The following MID2 variants were observed in gnomAD, a reference collection of about 807,000 sequenced individuals.
MID2 encodes probable E3 ubiquitin-protein ligase MID2.
A neutral mutation model predicts 46.1 loss-of-function variants in MID2; 13 were observed. That is an observed-to-expected ratio of 0.28 (90% CI 0.18 to 0.45). The LOEUF is 0.45. MID2 is among the 20% of genes least tolerant of loss of function. The pLI, the probability that MID2 is intolerant of heterozygous loss-of-function variation, is 1.00. For synonymous variants in MID2, 199 were observed against 212.3 expected (o/e 0.94, Z 0.55); for missense variants, 431 against 575.4 (o/e 0.75, Z 2.57).
chrX:107,834,054 A>G (rs1931149751), intron 1 of MID2, among the ~76,000 whole-genome samples: 1 of 111,539 alleles, frequency 9.0e-6, no homozygotes, highest in Admixed American at 9.5e-5. Context: ...TCTGCCTCCC[A>G]AAGTGCTGGG....
At chrX:107,826,878 C>A (rs963138348) in intron 1 of MID2, among the ~76,000 whole-genome samples, 1 of 113,512 alleles carries the variant, frequency 8.8e-6, no homozygotes, top group African/African-American at 3.2e-5. Context: ...GCGGTGCTGT[C>A]GCAGCAGCCG....
At chrX:107,904,664 C>T (rs1206168674) in intron 4 of MID2, among the ~76,000 whole-genome samples, 3 of 111,353 alleles carry the variant, frequency 2.7e-5, no homozygotes, top group East Asian at 5.6e-4. Context: ...AGAAAGGAAA[C>T]GATAGGAAAC....
chrX:107,861,347 C>T (rs1447459241), intron 3 of MID2, among the ~76,000 whole-genome samples: 1 of 111,401 alleles, frequency 9.0e-6, no homozygotes, highest in Non-Finnish European at 1.9e-5. Context: ...GGGCTGGGCG[C>T]GGTGACTCAT....
intron 2 of MID2, 101 bp from the exon 3 acceptor site, chrX:107,854,505 TCTA>T: frequency 1.8e-6 from 1 of 558,385 alleles, no homozygotes; most frequent in South Asian, 2.7e-5. Context: ...GAAACATTTG[TCTA>T]CTGACTAACC....
Position 107,852,097 on chromosome X carries a change from G to A in MID2, c.721-2512G>A, listed in dbSNP as rs776132910. Among the ~76,000 whole-genome samples, 13 of 111,110 alleles carry A rather than the reference G, an allele frequency of 1.2e-4. No homozygotes were observed. In the East Asian group the frequency reaches 3.7e-3, roughly 32 times the overall value. On this transcript the variant is annotated intron_variant, in intron 2 of 9. Coordinates refer to ENST00000262843, the MANE Select transcript of MID2 (RefSeq NM_012216.4). The stretch of plus-strand genomic sequence containing the variant: ...AGTAGAGAAGAGGTTTCACCATGTT[G>A]GCCAGGCTGGTCTTGAACTCCTGAC...
intron 1 of MID2, among the ~76,000 whole-genome samples, chrX:107,826,949 A>G (rs1259958302): frequency 8.9e-6 from 1 of 112,976 alleles, no homozygotes; most frequent in Non-Finnish European, 1.9e-5. Context: ...CTTTTCTGCC[A>G]GGGAGCGATC....
intron 1 of MID2, among the ~76,000 whole-genome samples, chrX:107,838,204 G>A (rs1201761385): frequency 1.8e-5 from 2 of 111,730 alleles, no homozygotes; most frequent in Non-Finnish European, 3.8e-5. Flanking sequence ...TTGTGGAGGT[G>A]AGGAGGAGCA....
chrX:107,927,019 C>T lies in MID2; in HGVS notation c.2154C>T (p.Cys718=). 1 of 1,210,365 alleles carries T rather than the reference C, an allele frequency of 8.3e-7. No homozygotes were observed. The highest frequency in any genetic ancestry group is 1.1e-6 in the Non-Finnish European group (1 of 894,627). Residue 718 remains cysteine, a synonymous_variant, in exon 10 of 10, where the codon TGC becomes TGT. Coordinates refer to ENST00000262843, the MANE Select transcript of MID2 (RefSeq NM_012216.4). ...TTGATTACCCTGAGCGGCAGGAATG[C>T]AACTGCAGGCCTCAAGAATCCCCTT... The part of the protein sequence containing the change: ...DFIDYPERQE[C]NCRPQESPYV...
At chrX:107,875,033 AG>A (rs2147845696) in intron 3 of MID2, among the ~76,000 whole-genome samples, 1 of 111,316 alleles carries the variant, frequency 9.0e-6, no homozygotes, top group East Asian at 2.8e-4. Flanking sequence ...CTTTAACCTG[AG>A]GATAAAGGAA....
Position 107,927,196 on chromosome X carries a change from A to G in MID2, c.*123A>G. 3.7e-6 allele frequency: 2 copies of G among 540,052 alleles called. No homozygotes were observed. Among genetic ancestry groups the G allele is most frequent in the Non-Finnish European group, 5.5e-6 (2 of 361,304 alleles). The allele number at this position is 540,052 out of a possible 1,213,427, so 44.5% of individuals were successfully genotyped here. A position where few individuals can be genotyped will look rare whatever the true frequency, so the allele number is the denominator to read the frequency against. ...TTTGTTTGAAGCATCCAAAATAACT[A>G]GATATTGCAGATTTAATTTTTGTGC... On this transcript the variant is annotated 3_prime_UTR_variant, in exon 10 of 10. Coordinates refer to ENST00000262843, the MANE Select transcript of MID2 (RefSeq NM_012216.4).
At chrX:107,912,770 C>T (rs192942337) in intron 5 of MID2, among the ~76,000 whole-genome samples, 2 of 110,949 alleles carry the variant, frequency 1.8e-5, no homozygotes, top group East Asian at 5.6e-4. Context: ...CAGGTATAAC[C>T]TGAGGTGTAG....
chrX:107,845,525 A>ACACTCTCTCT (rs1276957001), intron 2 of MID2, among the ~76,000 whole-genome samples: 26 of 72,942 alleles, frequency 3.6e-4, no homozygotes, highest in African/African-American at 2.0e-3. Flanking sequence ...ACACACACAC[A>ACACTCTCTCT]CTCTCTCTCT....
chrX:107,889,748 G>A lies in MID2; in HGVS notation c.817-14210G>A, dbSNP rs190418930. ...GGTTCCATTCTCCCCGTCACTTTCAGGTACACCAATCAGACGTAGATTTGG... is the reference window on the plus strand; with the variant it reads ...GGTTCCATTCTCCCCGTCACTTTCAAGTACACCAATCAGACGTAGATTTGG... On this transcript the variant is annotated intron_variant, in intron 3 of 9. Coordinates refer to ENST00000262843, the MANE Select transcript of MID2 (RefSeq NM_012216.4). Among the ~76,000 whole-genome samples the A allele has an allele frequency of 4.2e-3, 467 of 111,953 alleles. 2 individuals carry two copies. Among genetic ancestry groups the A allele is most frequent in the African/African-American group, 0.015 (449 of 30,791 alleles).
chrX:107,844,072 G>C (rs1602460458), intron 2 of MID2, among the ~76,000 whole-genome samples: 1 of 111,565 alleles, frequency 9.0e-6, no homozygotes, highest in East Asian at 2.8e-4. Context: ...GAACTTCACT[G>C]TTGACATTTG....
chrX:107,917,363 G>A (rs972843783), intron 6 of MID2, 143 bp from the exon 7 acceptor site: 3 of 520,804 alleles, frequency 5.8e-6, no homozygotes, highest in Non-Finnish European at 9.7e-6. Context: ...TTTGCTTCAG[G>A]TTGCATGGTT....
At chrX:107,828,431 C>T (rs2147819034) in intron 1 of MID2, among the ~76,000 whole-genome samples, 1 of 107,637 alleles carries the variant, frequency 9.3e-6, no homozygotes, top group East Asian at 2.9e-4. Flanking sequence ...TCTCCCTCAG[C>T]ATCTCAAGTA....
chrX:107,828,629 C>T (rs1226904802), intron 1 of MID2, among the ~76,000 whole-genome samples: 1 of 111,781 alleles, frequency 8.9e-6, no homozygotes, highest in Non-Finnish European at 1.9e-5. Context: ...TATAAATTAC[C>T]CAGTTTCAGG....
chrX:107,866,559 G>A (rs1436465803), intron 3 of MID2, among the ~76,000 whole-genome samples: 1 of 110,335 alleles, frequency 9.1e-6, no homozygotes, highest in Non-Finnish European at 1.9e-5. Context: ...AGCAAATGGT[G>A]TTCCTAAGTG....
chrX:107,924,380 C>T lies in MID2; in HGVS notation c.1473C>T (p.Pro491=). The T allele has an allele frequency of 8.3e-7, 1 of 1,209,783 alleles. No individual in the cohort carries two copies. The highest frequency in any genetic ancestry group is 3.0e-5 in the East Asian group (1 of 33,847). Residue 491 remains proline (P), a synonymous_variant, in exon 8 of 10, where the codon CCC becomes CCT. Transcript: ENST00000262843. ...CAGTAGACAGCTGGATGATTGTTCC[C>T]AACATTAAACAGAACCATTACACAG... is the stretch of plus-strand genomic sequence containing the variant. ...YNSVDSWMIV[P]NIKQNHYTVH...
Sources: allele counts gnomAD v4.1 joint callset (sites outside exome capture counted in the v4.1 genomes callset), GRCh38; gene constraint gnomAD v4.1.1; transcripts MANE v1.5; gene names NCBI Gene and HGNC (gene_info 2026-07-23, HGNC 2026-07-21).